METTL17: variants seen among roughly 807,000 people sequenced by gnomAD.
The protein encoded by METTL17 is ribosome assembly protein METTL17, mitochondrial.
METTL17 carries 49 observed loss-of-function variants against 59.4 expected under a neutral mutation model. That is an observed-to-expected ratio of 0.82 (90% confidence interval 0.66 to 1.05). METTL17 has a LOEUF of 1.05. METTL17 is among the 50% of genes least tolerant of loss of function. The pLI, the probability that METTL17 is intolerant of heterozygous loss-of-function variation, is 0.00. For synonymous variants in METTL17, 208 were observed against 209.2 expected (o/e 0.99, Z 0.05); for missense variants, 555 against 578.4 (o/e 0.96, Z 0.41).
rs60250978 is a variant in METTL17, at chr14:20,996,189, A to AT, written c.997-13dup. Reference sequence around the variant, plus strand: ...ATTGATGGCTCTTTTGTCTTACCTCATTTTTTTATGTGTTCACAGTGTCCC... The same window carrying AT: ...ATTGATGGCTCTTTTGTCTTACCTCATTTTTTTTATGTGTTCACAGTGTCCC... On this transcript the variant is annotated intron_variant, in intron 11 of 13. Coordinates refer to ENST00000339374, the MANE Select transcript of METTL17 (RefSeq NM_022734.3). The AT allele has an allele frequency of 1.9e-6, 3 of 1,608,800 alleles. No homozygotes were observed. Among genetic ancestry groups the AT allele is most frequent in the African/African-American group, 1.3e-5 (1 of 74,650 alleles).
rs1207498108 is a variant in METTL17 at position 20,996,211 on chromosome 14, T to A, written c.999T>A (p.Cys333Ter). 3.7e-6 allele frequency: 6 copies of A among 1,613,492 alleles called. No homozygotes were observed. Among genetic ancestry groups the A allele is most frequent in the Non-Finnish European group, 4.2e-6 (5 of 1,179,430 alleles). The part of the protein sequence containing the change: ...DPRPGFVFAP[C>*]PHELPCPQLT... The stretch of plus-strand genomic sequence containing the variant: ...CTCATTTTTTTATGTGTTCACAGTG[T>A]CCCCATGAACTCCCTTGTCCCCAGT... The change falls in exon 12 of 14, where the codon TGT becomes TGA. Residue 333 changes from cysteine to a stop codon, truncating the protein, a stop_gained and splice_region_variant. Coordinates refer to ENST00000339374, the MANE Select transcript of METTL17 (RefSeq NM_022734.3). LOFTEE classifies it high-confidence loss of function.
Position 20,992,641 on chromosome 14 carries a change from C to G in METTL17, c.528+19C>G. The G allele has an allele frequency of 6.3e-7, 1 of 1,589,758 alleles. No individual in the cohort carries two copies. Among genetic ancestry groups the G allele is most frequent in the Non-Finnish European group, 8.6e-7 (1 of 1,158,186 alleles). ...CCATGAGGTGAAAGTCCCTTAACTT[C>G]CAACCTGAACTTTTTGACCATCAGT... On this transcript the variant is annotated intron_variant, in intron 5 of 13. Coordinates refer to ENST00000339374, the MANE Select transcript of METTL17 (RefSeq NM_022734.3).
chr14:20,990,381 TTG>T lies in METTL17; in HGVS notation c.228_229del (p.Gly77GlufsTer34), dbSNP rs771931972. On this transcript the variant is annotated frameshift_variant and splice_region_variant, in exon 2 of 14. Coordinates refer to ENST00000339374, the MANE Select transcript of METTL17 (RefSeq NM_022734.3). LOFTEE classifies it high-confidence loss of function. The stretch of plus-strand genomic sequence containing the variant: ...GCTAACGGTGCCCAGTTATTGCTAC[TTG>T]GTGAGTAACGGCGGGAAAGCGAGAA... 1.2e-6 allele frequency: 2 copies of T among 1,613,792 alleles called. No individual in the cohort carries two copies. Among genetic ancestry groups the T allele is most frequent in the African/African-American group, 2.7e-5 (2 of 74,912 alleles).
chr14:20,995,264 C>G, intron 10 of METTL17, 31 bp downstream of exon 10: 1 of 1,553,938 alleles, frequency 6.4e-7, no homozygotes, highest in Non-Finnish European at 8.9e-7. Context: ...ACTCCCCCAC[C>G]CATATGGCAC....
intron 3 of METTL17, among the ~76,000 whole-genome samples, chr14:20,991,536 A>AT (rs1555321111): frequency 1.7e-4 from 26 of 150,278 alleles, no homozygotes; most frequent in Admixed American, 7.3e-4. Context: ...TTTAAAAAAA[A>AT]TTTTTTTTTT....
chr14:20,993,749 A>AG, intron 6 of METTL17: 1 of 338,946 alleles, frequency 3.0e-6, no homozygotes, highest in Middle Eastern at 9.0e-4. Flanking sequence ...CTGGGATTAC[A>AG]AGCATGAGCC....
intron 3 of METTL17, 179 bp downstream of exon 3, chr14:20,990,777 T>A: frequency 1.3e-6 from 1 of 753,376 alleles, no homozygotes; most frequent in Non-Finnish European, 2.1e-6. Flanking sequence ...AGAGATTGCT[T>A]AGGTAAAGGT....
chr14:20,994,805 T>G lies in METTL17; in HGVS notation c.780T>G (p.Asp260Glu), dbSNP rs1594343435. ...GTCTTGGTCCTCAGGTGCAGTTTGA[T>G]GTAGTAGTGTCAGCTTTTTCCTTAA... ...FLPVSPKVQF[D>E]VVVSAFSLSE... The change falls in exon 9 of 14, where the codon GAT (aspartate) becomes GAG (glutamate). Residue 260 changes from aspartate to glutamate, a missense_variant. Coordinates refer to ENST00000339374, the MANE Select transcript of METTL17 (RefSeq NM_022734.3). 6.2e-7 allele frequency: 1 copy of G among 1,613,768 alleles called. No homozygotes were observed. The highest frequency in any genetic ancestry group is 1.7e-5 in the Admixed American group (1 of 59,994).
At position 20,990,578 on chromosome 14, in the gene METTL17, A is replaced by G; in HGVS notation, c.344A>G (p.Lys115Arg). The change falls in exon 3 of 14, where the codon AAA becomes AGA. Residue 115 changes from lysine to arginine, a missense_variant. Physicochemically the swap from Lys to Arg is conservative, Grantham distance 26. Coordinates refer to ENST00000339374, the MANE Select transcript of METTL17 (RefSeq NM_022734.3). ...ELQRRARHLE[K>R]KFLENPDLSQ... Reference sequence around the variant, plus strand: ...CAAAGACGGGCTAGGCATCTTGAGAAAAAATTCCTGGAAAACCCAGGTAGG... The same window carrying G: ...CAAAGACGGGCTAGGCATCTTGAGAGAAAATTCCTGGAAAACCCAGGTAGG... 6.2e-7 allele frequency: 1 copy of G among 1,614,214 alleles called. No individual in the cohort carries two copies. Among genetic ancestry groups the G allele is most frequent in the Non-Finnish European group, 8.5e-7 (1 of 1,180,038 alleles).
chr14:20,990,382 T>A lies in METTL17; in HGVS notation c.228T>A (p.Leu76=). 4 of 1,613,874 alleles carry A rather than the reference T, an allele frequency of 2.5e-6. No individual in the cohort carries two copies. In the South Asian group the frequency reaches 3.3e-5, roughly 13 times the overall value. Reference sequence around the variant, plus strand: ...CTAACGGTGCCCAGTTATTGCTACTTGGTGAGTAACGGCGGGAAAGCGAGA... The same window carrying A: ...CTAACGGTGCCCAGTTATTGCTACTAGGTGAGTAACGGCGGGAAAGCGAGA... ...ALANGAQLLL[L]GSAGPTMENQ... Residue 76 remains leucine, a splice_region_variant and synonymous_variant, in exon 2 of 14, where the codon CTT becomes CTA. Coordinates refer to ENST00000339374, the MANE Select transcript of METTL17 (RefSeq NM_022734.3).
chr14:20,993,635 C>T (rs1023947659), intron 6 of METTL17: 5 of 217,328 alleles, frequency 2.3e-5, no homozygotes, highest in Non-Finnish European at 4.6e-5. Flanking sequence ...CCACCACACC[C>T]AGCTAATTTT....
chr14:20,996,031 C>A, intron 11 of METTL17, 80 bp downstream of exon 11: 1 of 1,468,516 alleles, frequency 6.8e-7, no homozygotes, highest in South Asian at 1.1e-5. Flanking sequence ...TAAAGCTAAG[C>A]CACTCTCCAC....
chr14:20,995,101 G>A, intron 9 of METTL17, 64 bp from the exon 10 acceptor site: 2 of 1,457,116 alleles, frequency 1.4e-6, no homozygotes, highest in Non-Finnish European at 1.9e-6. Context: ...CTCTTACACA[G>A]CTACTGACAT....
intron 3 of METTL17, among the ~76,000 whole-genome samples, chr14:20,991,408 C>G (rs989526246): frequency 3.3e-5 from 5 of 152,074 alleles, no homozygotes; most frequent in African/African-American, 1.2e-4. Context: ...CTGAACTGAA[C>G]AGTCATGAGA....
intron 6 of METTL17, chr14:20,993,399 C>G: frequency 2.1e-6 from 1 of 483,128 alleles, no homozygotes; most frequent in South Asian, 4.3e-5. Flanking sequence ...AAAAAAGGCG[C>G]ATGTGTAGAA....
intron 3 of METTL17, 124 bp from the exon 4 acceptor site, chr14:20,992,000 C>T (rs1880051515): frequency 1.2e-6 from 1 of 829,870 alleles, no homozygotes; most frequent in African/African-American, 1.7e-5. Context: ...TTTGTCGTCT[C>T]CCTTGAGCTT....
rs17092373 is a variant in METTL17, at chr14:20,990,460, A to C, written c.230-4A>C. 0.024 allele frequency: 38,062 copies of C among 1,614,100 alleles called. 882 individuals carry two copies. Among genetic ancestry groups the C allele is most frequent in the African/African-American group, 0.11 (8,063 of 75,026 alleles). On this transcript the variant is annotated splice_region_variant and splice_polypyrimidine_tract_variant and intron_variant, in intron 2 of 13. Transcript: ENST00000339374. ...TGATTCCGCTTTTCGTCTTTGGCCC[A>C]TAGGGAGCGCTGGGCCCACTATGGA...
chr14:20,994,112 G>C (rs752705486), intron 7 of METTL17, 49 bp downstream of exon 7: 1 of 1,352,622 alleles, frequency 7.4e-7, no homozygotes, highest in Non-Finnish European at 1.1e-6. Flanking sequence ...AAAGCAAAGG[G>C]GTACTAGTAA....
chr14:20,990,810 T>TTTG, intron 3 of METTL17: 1 of 452,884 alleles, frequency 2.2e-6, no homozygotes, highest in Non-Finnish European at 4.0e-6. Context: ...GTATACTGTT[T>TTTG]TTTGTTTGTT....
Sources: gnomAD v4.1 joint callset for allele counts (sites outside exome capture counted in the v4.1 genomes callset) on GRCh38, gnomAD v4.1.1 for gene constraint, MANE v1.5 for transcripts, NCBI Gene and HGNC (gene_info 2026-07-23, HGNC 2026-07-21) for gene names.